The following NPAS2 variants were observed in gnomAD, a reference collection of about 807,000 sequenced individuals.
The protein encoded by NPAS2 is neuronal PAS domain protein 2, also known as neuronal PAS domain-containing protein 2.
NPAS2 carries 23 observed loss-of-function variants against 107.5 expected under a neutral mutation model. The ratio of observed to expected loss-of-function variants is 0.21; its 90% CI spans 0.15 to 0.30. The LOEUF (loss-of-function observed/expected upper bound fraction) is 0.30, where lower values mean the gene tolerates loss of function less well. Ranked by LOEUF, NPAS2 falls within the 10% of genes least tolerant of loss-of-function variation. The pLI, the probability that NPAS2 is intolerant of heterozygous loss-of-function variation, is 1.00. For missense variants in NPAS2, 756 were observed against 1,043.3 expected, an observed-to-expected ratio of 0.72 and a Z score of 3.79; for synonymous variants, 403 against 417.5, an observed-to-expected ratio of 0.97 and a Z score of 0.42.
chr2:100,827,587 G>C (rs1297535988), intron 1 of NPAS2, among the ~76,000 whole-genome samples: 1 of 152,088 alleles, frequency 6.6e-6, no homozygotes, highest in African/African-American at 2.4e-5. Flanking sequence ...CCATCTTTAT[G>C]TCCACAAGTA....
chr2:100,835,468 G>A (rs1334602736), intron 1 of NPAS2, among the ~76,000 whole-genome samples: 1 of 152,118 alleles, frequency 6.6e-6, no homozygotes, highest in East Asian at 1.9e-4. Context: ...GTCCGTGCTC[G>A]ACTCCACCCT....
At chr2:100,957,790 C>T (rs1385533930) in intron 7 of NPAS2, among the ~76,000 whole-genome samples, 3 of 152,228 alleles carry the variant, frequency 2.0e-5, no homozygotes, top group African/African-American at 7.2e-5. Flanking sequence ...TAGCCGGGCG[C>T]GATGGCAGGT....
intron 1 of NPAS2, among the ~76,000 whole-genome samples, chr2:100,854,574 A>G (rs181950943): frequency 6.6e-6 from 1 of 152,306 alleles, no homozygotes; most frequent in East Asian, 1.9e-4. Flanking sequence ...AGTCCTAGGG[A>G]AAGATTCTAA....
intron 7 of NPAS2, among the ~76,000 whole-genome samples, chr2:100,956,084 T>C (rs919943689): frequency 6.6e-6 from 1 of 152,052 alleles, no homozygotes; most frequent in African/African-American, 2.4e-5. Flanking sequence ...TCTTTTATGT[T>C]TTGTAGAGAT....
upstream of NPAS2, among the ~76,000 whole-genome samples, chr2:100,819,993 C>T (rs1319963887): frequency 1.4e-5 from 2 of 145,828 alleles, no homozygotes; most frequent in Non-Finnish European, 1.5e-5. This position sits in a 1 kb window ranked among gnomAD's most constrained non-coding sequence, Gnocchi z 5.8. Context: ...CAGGCTGGGT[C>T]GGGGCCAGGA....
intron 16 of NPAS2, 145 bp from the exon 17 acceptor site, chr2:100,987,934 T>G: frequency 1.2e-6 from 1 of 853,232 alleles, no homozygotes; most frequent in South Asian, 1.6e-5. Flanking sequence ...TCACAGGTGC[T>G]CCATGTCCAC....
intron 7 of NPAS2, among the ~76,000 whole-genome samples, chr2:100,954,664 C>CAAAAAAAAAAAAAAAAA (rs1194534141): frequency 3.7e-5 from 3 of 81,370 alleles, no homozygotes; most frequent in Non-Finnish European, 5.2e-5. Context: ...AACTGTGTCT[C>CAAAAAAAAAAAAAAAAA]AAAAAAAAAA....
chr2:100,964,025 A>C, intron 7 of NPAS2, 33 bp from the exon 8 acceptor site: 273 of 1,416,338 alleles, frequency 1.9e-4, no homozygotes, highest in Non-Finnish European at 2.4e-4. Context: ...AGACAGGGCT[A>C]ACCTATGTGT....
At chr2:100,844,779 C>T (rs1038078018) in intron 1 of NPAS2, among the ~76,000 whole-genome samples, 4 of 152,138 alleles carry the variant, frequency 2.6e-5, no homozygotes, top group Non-Finnish European at 5.9e-5. Context: ...TGTATAGTTG[C>T]GCCTCTTTCC....
At chr2:100,851,488 G>A (rs1467234454) in intron 1 of NPAS2, among the ~76,000 whole-genome samples, 1 of 152,152 alleles carries the variant, frequency 6.6e-6, no homozygotes, top group African/African-American at 2.4e-5. Context: ...AAGGGAGTAA[G>A]CCCAACTCAA....
chr2:100,848,107 G>A (rs2104456017), intron 1 of NPAS2, among the ~76,000 whole-genome samples: 1 of 152,330 alleles, frequency 6.6e-6, no homozygotes, highest in Non-Finnish European at 1.5e-5. Flanking sequence ...AGGAAGCAGA[G>A]GCCCAGGGAA....
intron 7 of NPAS2, 98 bp from the exon 8 acceptor site, chr2:100,963,960 G>A (rs112976141): frequency 2.3e-5 from 17 of 726,120 alleles, no homozygotes; most frequent in African/African-American, 2.1e-4. Flanking sequence ...CATAAACCCT[G>A]GGGGCAGCGC....
At position 100,892,557 on chromosome 2, in the gene NPAS2, G is replaced by T. The variant is rs544716723; in HGVS notation, c.-22-12176G>T. On this transcript the variant is annotated intron_variant, in intron 1 of 20. Transcript: ENST00000335681. Reference sequence around the variant, plus strand: ...GACCCGGCTCCTTGGGACAAGGCTGGAGAGGGCTAGTGTTAGGATTGGATC... The same window carrying T: ...GACCCGGCTCCTTGGGACAAGGCTGTAGAGGGCTAGTGTTAGGATTGGATC... Among the ~76,000 whole-genome samples, 32 of 152,168 alleles carry T rather than the reference G, an allele frequency of 2.1e-4. 1 individual carries two copies. The highest frequency in any genetic ancestry group is 2.0e-3 in the Admixed American group (31 of 15,282).
chr2:100,886,093 G>T (rs1296483089), intron 1 of NPAS2, among the ~76,000 whole-genome samples: 5 of 152,224 alleles, frequency 3.3e-5, no homozygotes, highest in Non-Finnish European at 7.3e-5. Context: ...GCAGTGAGTT[G>T]TGGTCGCCTG....
chr2:100,842,939 G>A (rs1408381155), intron 1 of NPAS2, among the ~76,000 whole-genome samples: 6 of 152,110 alleles, frequency 3.9e-5, no homozygotes, highest in Non-Finnish European at 7.4e-5. Context: ...TGCTGGGATC[G>A]GCCAGGTGTG....
chr2:100,821,734 C>T (rs1310233916), intron 1 of NPAS2, among the ~76,000 whole-genome samples: 1 of 152,152 alleles, frequency 6.6e-6, no homozygotes, highest in African/African-American at 2.4e-5. Context: ...GCACTGTTCA[C>T]ATTCAAGCGC....
chr2:100,856,707 C>T (rs983166908), intron 1 of NPAS2, among the ~76,000 whole-genome samples: 20 of 3,638 alleles, frequency 5.5e-3, no homozygotes, highest in African/African-American at 0.025. Flanking sequence ...TGTGTATGGG[C>T]GGGGTGGGGG....
At chr2:100,833,380 G>A (rs1050890139) in intron 1 of NPAS2, among the ~76,000 whole-genome samples, 15 of 152,182 alleles carry the variant, frequency 9.9e-5, no homozygotes, top group Admixed American at 6.5e-5. Context: ...TTTATTTTGC[G>A]CTGTGACCAG....
At chr2:100,969,377 C>G (rs1676413927) in intron 11 of NPAS2, among the ~76,000 whole-genome samples, 1 of 152,044 alleles carries the variant, frequency 6.6e-6, no homozygotes, top group Non-Finnish European at 1.5e-5. Context: ...TGTCAGGCCC[C>G]GGTGTGTGAT....
Sources: gnomAD v4.1 joint callset for allele counts (sites outside exome capture counted in the v4.1 genomes callset) on GRCh38, gnomAD v4.1.1 for gene constraint, Gnocchi (gnomAD v3.1) non-coding constraint, MANE v1.5 for transcripts, NCBI Gene and HGNC (gene_info 2026-07-23, HGNC 2026-07-21) for gene names.